ETNK1: variants seen among roughly 807,000 people sequenced by gnomAD.
ETNK1 encodes the protein ethanolamine kinase 1, also known as putative protein product of Nbla10396.
In ETNK1, 8 loss-of-function variants were observed where a neutral mutation model predicts 45.1. The observed-to-expected ratio is 0.18, with a 90% confidence interval of 0.10 to 0.32. The LOEUF (loss-of-function observed/expected upper bound fraction) is 0.32. Among genes scored for constraint, ETNK1 ranks in the 10% least tolerant of loss-of-function variants. The pLI, the probability that ETNK1 is intolerant of heterozygous loss-of-function variation, is 1.00. For missense variants in ETNK1, 302 were observed against 430.6 expected, an observed-to-expected ratio of 0.70 and a Z score of 2.64; for synonymous variants, 152 against 151.9, an observed-to-expected ratio of 1.00 and a Z score of -0.01.
chr12:22,642,600 C>T (rs1420812572), intron 1 of ETNK1, among the ~76,000 whole-genome samples: 1 of 151,970 alleles, frequency 6.6e-6, no homozygotes, highest in Non-Finnish European at 1.5e-5. Flanking sequence ...TTAGTAAATA[C>T]TTTCACATCT....
intron 2 of ETNK1, among the ~76,000 whole-genome samples, chr12:22,651,851 G>A (rs1953880591): frequency 6.6e-6 from 1 of 151,564 alleles, no homozygotes; most frequent in Non-Finnish European, 1.5e-5. Context: ...TCGCCCTGCC[G>A]AGTTTTGTAT....
chr12:22,629,310 G>A (rs1056532312), intron 1 of ETNK1, among the ~76,000 whole-genome samples: 3 of 152,062 alleles, frequency 2.0e-5, no homozygotes, highest in African/African-American at 7.2e-5. Flanking sequence ...AAAATGTACT[G>A]TTCTTTCTGC....
chr12:22,659,099 G>C lies in ETNK1; in HGVS notation c.502G>C (p.Gly168Arg). 1 of 1,613,754 alleles carries C rather than the reference G, an allele frequency of 6.2e-7. No homozygotes were observed. The highest frequency in any genetic ancestry group is 8.5e-7 in the Non-Finnish European group (1 of 1,179,760). Residue 168 changes from glycine (G) to arginine (R), a missense_variant, in exon 3 of 8, where the codon GGA becomes CGA. Physicochemically the swap from Gly to Arg is moderately radical, Grantham distance 125 (BLOSUM62 -2). Transcript: ENST00000266517. ...IPKSNLWLKM[G>R]KYFSLIPTGF... ...CAAATCTAATCTTTGGCTAAAGATG[G>C]GAAAGTATTTCTCTCTCATTCCCAC...
At chr12:22,671,811 C>G (rs1050288963) in intron 5 of ETNK1, among the ~76,000 whole-genome samples, 1 of 144,478 alleles carries the variant, frequency 6.9e-6, no homozygotes, top group African/African-American at 2.7e-5. Context: ...TGCACTCCAG[C>G]CTGGGCGATA....
At chr12:22,644,145 C>T in intron 2 of ETNK1, 123 bp downstream of exon 2, 1 of 1,503,238 alleles carries the variant, frequency 6.7e-7, no homozygotes, top group Non-Finnish European at 9.0e-7. Context: ...CTTTCTTTAG[C>T]TAGGGTTTTT....
chr12:22,635,721 A>G (rs1953647607), intron 1 of ETNK1, among the ~76,000 whole-genome samples: 1 of 152,240 alleles, frequency 6.6e-6, no homozygotes, highest in Admixed American at 6.5e-5. Context: ...TTATAAAAAC[A>G]TAAAAATTTA....
At chr12:22,680,821 C>T (rs574137911) in intron 6 of ETNK1, among the ~76,000 whole-genome samples, 6 of 144,664 alleles carry the variant, frequency 4.1e-5, no homozygotes, top group African/African-American at 1.5e-4. Context: ...GAGATGGTGG[C>T]AAACAAAAGT....
At chr12:22,657,950 T>C (rs1454779287) in intron 2 of ETNK1, among the ~76,000 whole-genome samples, 1 of 152,220 alleles carries the variant, frequency 6.6e-6, no homozygotes, top group East Asian at 1.9e-4. Context: ...GATACAATAC[T>C]AGATTCTCTG....
At chr12:22,656,534 A>G in intron 2 of ETNK1, 2 of 985,304 alleles carry the variant, frequency 2.0e-6, no homozygotes, top group Non-Finnish European at 2.4e-6. Context: ...TTGCTTATTC[A>G]CTGAAAGCAG....
At chr12:22,627,898 A>C (rs1303784269) in intron 1 of ETNK1, among the ~76,000 whole-genome samples, 1 of 152,102 alleles carries the variant, frequency 6.6e-6, no homozygotes, top group Non-Finnish European at 1.5e-5. Context: ...AAAAAGAAAA[A>C]AACAAGCTAA....
chr12:22,673,077 C>T (rs1007153875), intron 5 of ETNK1, among the ~76,000 whole-genome samples: 2 of 151,994 alleles, frequency 1.3e-5, no homozygotes, highest in African/African-American at 4.8e-5. Context: ...GCCTGGGTGA[C>T]TGAACGAGAT....
At chr12:22,644,289 G>T in intron 2 of ETNK1, 1 of 1,599,584 alleles carries the variant, frequency 6.3e-7, no homozygotes, top group Non-Finnish European at 8.5e-7. Context: ...CAAGGCTTCT[G>T]CTTAGTTTTT....
chr12:22,646,149 G>A (rs1303382352), intron 2 of ETNK1, among the ~76,000 whole-genome samples: 8 of 151,718 alleles, frequency 5.3e-5, no homozygotes, highest in Admixed American at 3.3e-4. Context: ...AATTTGTTTC[G>A]CTGTTAAATT....
intron 2 of ETNK1, among the ~76,000 whole-genome samples, chr12:22,655,315 T>C (rs1020260807): frequency 6.8e-6 from 1 of 146,568 alleles, no homozygotes; most frequent in African/African-American, 2.5e-5. Flanking sequence ...TATAGGATAT[T>C]TGGGGTTTGT....
intron 5 of ETNK1, among the ~76,000 whole-genome samples, chr12:22,672,376 A>G (rs1011832456): frequency 2.6e-5 from 4 of 152,016 alleles, no homozygotes; most frequent in South Asian, 2.1e-4. Flanking sequence ...GTAAGTTTAT[A>G]TATTTATATA....
intron 1 of ETNK1, among the ~76,000 whole-genome samples, chr12:22,637,951 C>A (rs1044334337): frequency 2.6e-5 from 4 of 151,720 alleles, no homozygotes; most frequent in African/African-American, 9.7e-5. Context: ...TACAGAAAAG[C>A]AGTTTAAGAA....
At chr12:22,675,352 T>C (rs1954149940) in intron 6 of ETNK1, among the ~76,000 whole-genome samples, 1 of 152,016 alleles carries the variant, frequency 6.6e-6, no homozygotes, top group Non-Finnish European at 1.5e-5. Context: ...TGAGCCATCA[T>C]GCCAGACCTA....
At chr12:22,630,492 A>G (rs1328709321) in intron 1 of ETNK1, among the ~76,000 whole-genome samples, 13 of 152,156 alleles carry the variant, frequency 8.5e-5, no homozygotes, top group Admixed American at 8.5e-4. Flanking sequence ...GAAAAGGGAA[A>G]CATTTCTGAG....
intron 3 of ETNK1, 58 bp from the exon 4 acceptor site, chr12:22,661,004 CT>C: frequency 6.9e-7 from 1 of 1,456,176 alleles, no homozygotes; most frequent in Non-Finnish European, 9.4e-7. Flanking sequence ...GATTTTAATC[CT>C]TAATCAAACT....
Sources: gnomAD v4.1 joint callset for allele counts (sites outside exome capture counted in the v4.1 genomes callset) on GRCh38, gnomAD v4.1.1 for gene constraint, MANE v1.5 for transcripts, NCBI Gene and HGNC (gene_info 2026-07-23, HGNC 2026-07-21) for gene names.